NOVA1: variants seen among roughly 807,000 people sequenced by gnomAD.
NOVA1 encodes the protein RNA-binding protein Nova-1.
In NOVA1, 7 loss-of-function variants were observed where a neutral mutation model predicts 38.0. That is an observed-to-expected ratio of 0.18 (90% CI 0.10 to 0.35). The LOEUF (loss-of-function observed/expected upper bound fraction) is 0.35, where lower values mean the gene tolerates loss of function less well. Ranked by LOEUF, NOVA1 falls within the 10% of genes least tolerant of loss-of-function variation. The pLI, the probability that NOVA1 is intolerant of heterozygous loss-of-function variation, is 1.00. For synonymous variants in NOVA1, 270 were observed against 232.5 expected (o/e 1.16, Z -1.47); for missense variants, 460 against 616.0 (o/e 0.75, Z 2.68).
chr14:26,560,989 G>C (rs1212173741), intron 2 of NOVA1, among the ~76,000 whole-genome samples: 1 of 152,122 alleles, frequency 6.6e-6, no homozygotes, highest in African/African-American at 2.4e-5. Context: ...GTACAGGGTG[G>C]GGGGATGGTT....
rs1894281658 is a variant in NOVA1 at position 26,597,511 on chromosome 14, T to TTC, written c.-76_-75insGA. On this transcript the variant is annotated 5_prime_UTR_variant, in exon 1 of 5. Coordinates refer to ENST00000539517, the MANE Select transcript of NOVA1 (RefSeq NM_002515.3). ...TGGCTTTTTCTTTTCTTTTTTCTTT[T>TTC]TTTTTTTTTTTTTTTTTTGCGTTTG... 2 of 1,042,272 alleles carry TTC rather than the reference T, an allele frequency of 1.9e-6. No homozygotes were observed. Among genetic ancestry groups the TTC allele is most frequent in the Non-Finnish European group, 2.4e-6 (2 of 844,272 alleles). 64.6% of individuals were successfully genotyped at this position (1,042,272 alleles called of 1,614,324 possible). A position where few individuals can be genotyped will look rare whatever the true frequency, so the allele number is the denominator to read the frequency against.
intron 2 of NOVA1, among the ~76,000 whole-genome samples, chr14:26,563,454 C>T (rs975781618): frequency 6.6e-5 from 10 of 150,568 alleles, no homozygotes; most frequent in Admixed American, 6.0e-4. Context: ...CCCTGAATAA[C>T]TACAATTTTA....
At chr14:26,551,087 T>C (rs1484233019) in intron 2 of NOVA1, among the ~76,000 whole-genome samples, 1 of 152,000 alleles carries the variant, frequency 6.6e-6, no homozygotes, top group Non-Finnish European at 1.5e-5. Flanking sequence ...CATGAGTCCA[T>C]ACATACATTT....
chr14:26,480,247 C>T (rs1485713098), intron 2 of NOVA1, 104 bp from the exon 3 acceptor site: 10 of 914,492 alleles, frequency 1.1e-5, no homozygotes, highest in Non-Finnish European at 1.6e-5. Flanking sequence ...AAATGCAGAA[C>T]TCTAACGTAA....
chr14:26,465,464 C>T lies in NOVA1; in HGVS notation c.519+6856G>A, dbSNP rs188090883. On this transcript the variant is annotated intron_variant, in intron 4 of 4. Coordinates refer to ENST00000539517, the MANE Select transcript of NOVA1 (RefSeq NM_002515.3). ...GGGATTACAGGCGTGAGCCACTGCA[C>T]CCGGCCCTAATTTTTATATTTTGTT... 3.1e-3 allele frequency among the ~76,000 whole-genome samples: 479 copies of T among 152,326 alleles called. 1 individual carries two copies. The highest frequency in any genetic ancestry group is 4.8e-3 in the Non-Finnish European group (325 of 68,034).
chr14:26,543,529 T>C (rs1890600588), intron 2 of NOVA1, among the ~76,000 whole-genome samples: 1 of 151,804 alleles, frequency 6.6e-6, no homozygotes, highest in Admixed American at 6.6e-5. Flanking sequence ...TAGAGAGAAA[T>C]ATTTATTCTA....
intron 2 of NOVA1, among the ~76,000 whole-genome samples, chr14:26,520,575 G>A (rs1340190505): frequency 6.6e-6 from 1 of 152,128 alleles, no homozygotes; most frequent in Admixed American, 6.5e-5. Context: ...AAAACAAGAT[G>A]GCAGGACATC....
intron 1 of NOVA1, 129 bp downstream of exon 1, chr14:26,597,172 C>T: frequency 2.1e-6 from 2 of 936,804 alleles, no homozygotes; most frequent in Non-Finnish European, 2.7e-6. Context: ...CAGGGGCCGC[C>T]GGGTTCGGGC....
chr14:26,452,164 A>G (rs1882737085), intron 4 of NOVA1, among the ~76,000 whole-genome samples: 1 of 152,218 alleles, frequency 6.6e-6, no homozygotes, highest in African/African-American at 2.4e-5. Flanking sequence ...ACAAAAGAAC[A>G]TGAGAATCCT....
chr14:26,472,113 C>T (rs1884629214), intron 4 of NOVA1: 2 of 477,190 alleles, frequency 4.2e-6, no homozygotes, highest in African/African-American at 4.0e-5. Flanking sequence ...AGTTTAATAT[C>T]TGAATATAGT....
At chr14:26,462,112 G>T (rs979165691) in intron 4 of NOVA1, among the ~76,000 whole-genome samples, 2 of 151,740 alleles carry the variant, frequency 1.3e-5, no homozygotes, top group African/African-American at 4.8e-5. Flanking sequence ...TAAGCGTATA[G>T]TGTTTATAGT....
chr14:26,450,063 A>C (rs1882518895), intron 4 of NOVA1, among the ~76,000 whole-genome samples: 2 of 152,288 alleles, frequency 1.3e-5, no homozygotes, highest in Middle Eastern at 3.4e-3. Flanking sequence ...GGTAGGTCAA[A>C]ACTTGTGATT....
intron 2 of NOVA1, among the ~76,000 whole-genome samples, chr14:26,519,841 T>G (rs1233687387): frequency 6.6e-6 from 1 of 152,140 alleles, no homozygotes; most frequent in Non-Finnish European, 1.5e-5. Context: ...GAAATTTTTT[T>G]CTTAATTTAT....
chr14:26,465,239 A>G (rs1262084183), intron 4 of NOVA1, among the ~76,000 whole-genome samples: 1 of 152,074 alleles, frequency 6.6e-6, no homozygotes, highest in Non-Finnish European at 1.5e-5. Context: ...CAATGGCGTG[A>G]TCTCAGCTCA....
chr14:26,544,513 A>G lies in NOVA1; in HGVS notation c.280+50897T>C, dbSNP rs1890667509. On this transcript the variant is annotated intron_variant, in intron 2 of 4. Coordinates refer to ENST00000539517, the MANE Select transcript of NOVA1 (RefSeq NM_002515.3). ...AATTAATGCAACAGCCTACTAGCTG[A>G]CCAACCTATTTCCTTCCTTATTCAG... is the stretch of plus-strand genomic sequence containing the variant. Among the ~76,000 whole-genome samples, 3 of 152,198 alleles carry G rather than the reference A, an allele frequency of 2.0e-5. No individual in the cohort carries two copies. The South Asian group carries it at 6.2e-4, about 31-fold the overall frequency.
chr14:26,464,226 C>T (rs1883935724), intron 4 of NOVA1, among the ~76,000 whole-genome samples: 1 of 152,146 alleles, frequency 6.6e-6, no homozygotes, highest in Non-Finnish European at 1.5e-5. Context: ...ATGGTGGTCC[C>T]ATGAGATTAT....
chr14:26,466,401 T>C (rs1884143091), intron 4 of NOVA1, among the ~76,000 whole-genome samples: 1 of 152,146 alleles, frequency 6.6e-6, no homozygotes, highest in Non-Finnish European at 1.5e-5. Context: ...ATTTAAGATG[T>C]CAATTAGGTA....
intron 4 of NOVA1, among the ~76,000 whole-genome samples, chr14:26,459,999 T>C (rs570294281): frequency 6.6e-6 from 1 of 152,164 alleles, no homozygotes; most frequent in African/African-American, 2.4e-5. Flanking sequence ...ATGGGTATTT[T>C]ATATTTACTG....
intron 2 of NOVA1, among the ~76,000 whole-genome samples, chr14:26,515,352 A>G (rs1031350629): frequency 2.0e-5 from 3 of 152,020 alleles, no homozygotes; most frequent in African/African-American, 7.2e-5. Flanking sequence ...GGTTCTATAC[A>G]GGAAATTTTC....
Sources: allele counts gnomAD v4.1 joint callset (sites outside exome capture counted in the v4.1 genomes callset), GRCh38; gene constraint gnomAD v4.1.1; transcripts MANE v1.5; gene names NCBI Gene and HGNC (gene_info 2026-07-23, HGNC 2026-07-21).